The following ZNF592 variants were observed in gnomAD, a reference collection of about 807,000 sequenced individuals.
ZNF592 encodes zinc finger protein 592.
ZNF592 carries 11 observed loss-of-function variants against 80.3 expected under a neutral mutation model. The observed-to-expected ratio is 0.14, with a 90% CI of 0.09 to 0.23. The LOEUF is 0.23. Ranked by LOEUF, ZNF592 falls within the 10% of genes least tolerant of loss-of-function variation. ZNF592 has a pLI of 1.00. For missense variants in ZNF592, 1,420 were observed against 1,633.9 expected (o/e 0.87, Z 2.26); for synonymous variants, 646 against 640.3 (o/e 1.01, Z -0.13).
At chr15:84,768,135 A>G (rs1055296339) in intron 2 of ZNF592, among the ~76,000 whole-genome samples, 7 of 147,448 alleles carry the variant, frequency 4.7e-5, no homozygotes, top group Non-Finnish European at 1.0e-4. Context: ...CAAATGATCT[A>G]CCTGCCTTGG....
In ZNF592 at chr15:84,799,550, C is replaced by T. The variant is rs1225109067; in HGVS notation, c.3138-292C>T. 6.6e-6 allele frequency among the ~76,000 whole-genome samples: 1 copy of T among 152,186 alleles called. No individual in the cohort carries two copies. Among genetic ancestry groups the T allele is most frequent in the Non-Finnish European group, 1.5e-5 (1 of 68,028 alleles). On this transcript the variant is annotated intron_variant, in intron 9 of 10. Transcript: ENST00000560079. This position sits in a 1 kb window ranked among gnomAD's most constrained non-coding sequence, Gnocchi z 4.2. The stretch of plus-strand genomic sequence containing the variant: ...ACCATCTGCCTGTGCCTTGGGGTGG[C>T]CCCAGGCCCTTTCACTGTGACTACT...
At chr15:84,750,022 C>T (rs907600025) in intron 1 of ZNF592, among the ~76,000 whole-genome samples, 1 of 152,234 alleles carries the variant, frequency 6.6e-6, no homozygotes, top group Admixed American at 6.5e-5. Context: ...ATAGTCGTGG[C>T]CGGGCGCGGT....
At chr15:84,759,740 G>C (rs985088811) in intron 1 of ZNF592, among the ~76,000 whole-genome samples, 6 of 152,152 alleles carry the variant, frequency 3.9e-5, no homozygotes, top group Non-Finnish European at 8.8e-5. Context: ...ACACACTTCT[G>C]CATGGGAGGA....
intron 5 of ZNF592, among the ~76,000 whole-genome samples, chr15:84,793,565 AGTGATCTGCG>A: frequency 6.6e-6 from 1 of 152,362 alleles, no homozygotes; most frequent in Admixed American, 6.5e-5. Flanking sequence ...TAAAATTTTC[AGTGATCTGCG>A]GTTGAAGTCA....
intron 1 of ZNF592, among the ~76,000 whole-genome samples, chr15:84,758,058 C>T (rs997022375): frequency 1.3e-5 from 2 of 151,804 alleles, no homozygotes; most frequent in African/African-American, 2.4e-5. Flanking sequence ...CTGCCACCTC[C>T]GCCTCCCAGG....
At chr15:84,776,540 G>A (rs1386569608) in intron 2 of ZNF592, among the ~76,000 whole-genome samples, 4 of 152,214 alleles carry the variant, frequency 2.6e-5, no homozygotes, top group African/African-American at 9.7e-5. Flanking sequence ...TGGATCACAT[G>A]AGGCTAGAAG....
At chr15:84,756,335 G>C (rs1435247806) in intron 1 of ZNF592, among the ~76,000 whole-genome samples, 1 of 152,178 alleles carries the variant, frequency 6.6e-6, no homozygotes, top group Non-Finnish European at 1.5e-5. Flanking sequence ...TATTCCCCTG[G>C]TTTGCTGTAG....
intron 1 of ZNF592, among the ~76,000 whole-genome samples, chr15:84,760,451 A>T (rs1899317239): frequency 6.6e-6 from 1 of 152,180 alleles, no homozygotes; most frequent in African/African-American, 2.4e-5. Flanking sequence ...TATGACTTTT[A>T]TGAATCTGTC....
intron 2 of ZNF592, among the ~76,000 whole-genome samples, chr15:84,774,318 A>G (rs909095442): frequency 6.6e-6 from 1 of 152,244 alleles, no homozygotes; most frequent in Admixed American, 6.5e-5. Flanking sequence ...CTCTTCCTTC[A>G]TGAAACTTAC....
chr15:84,759,746 G>C (rs1368556433), intron 1 of ZNF592, among the ~76,000 whole-genome samples: 1 of 152,198 alleles, frequency 6.6e-6, no homozygotes. Flanking sequence ...TTCTGCATGG[G>C]AGGAGAGAAG....
chr15:84,748,933 G>T (rs1223530533), intron 1 of ZNF592, among the ~76,000 whole-genome samples: 1 of 151,234 alleles, frequency 6.6e-6, no homozygotes, highest in Admixed American at 6.6e-5. Flanking sequence ...CCGCTCCTTG[G>T]CAGGCCGGGC....
chr15:84,769,528 T>C (rs1308478815), intron 2 of ZNF592, among the ~76,000 whole-genome samples: 1 of 145,658 alleles, frequency 6.9e-6, no homozygotes, highest in East Asian at 2.0e-4. Context: ...GCAGAGGGAG[T>C]GGTGACTGCA....
Position 84,798,782 on chromosome 15 carries a change from G to T in ZNF592, c.2931G>T (p.Arg977=). 2.5e-6 allele frequency: 4 copies of T among 1,603,910 alleles called. No individual in the cohort carries two copies. The highest frequency in any genetic ancestry group is 3.4e-6 in the Non-Finnish European group (4 of 1,179,676). ...ACCGCAGGGTGGAAGCCAGGCCGCG[G>T]CTGAGGAACACTGGCTGGACCTGCC... ...EAHRRVEARP[R]LRNTGWTCQE... The change falls in exon 8 of 11, where the codon CGG becomes CGT. Residue 977 remains arginine (R), a synonymous_variant. Transcript: ENST00000560079. This position sits in a 1 kb window ranked among gnomAD's most constrained non-coding sequence, Gnocchi z 4.5.
intron 3 of ZNF592, among the ~76,000 whole-genome samples, chr15:84,781,041 A>T (rs1567067969): frequency 6.6e-6 from 1 of 151,422 alleles, no homozygotes; most frequent in African/African-American, 2.4e-5. Context: ...AATTTTTATT[A>T]TTTATTTATT....
intron 2 of ZNF592, among the ~76,000 whole-genome samples, chr15:84,777,891 G>A (rs549651288): frequency 2.6e-5 from 4 of 151,932 alleles, no homozygotes; most frequent in South Asian, 4.2e-4. Flanking sequence ...TAGTAGAGAC[G>A]GGGTTTCACC....
rs112611040 is a variant in ZNF592 at position 84,802,672 on chromosome 15, C to A, written c.*279C>A. 1.6e-5 allele frequency: 8 copies of A among 506,806 alleles called. No homozygotes were observed. Among genetic ancestry groups the A allele is most frequent in the Admixed American group, 1.3e-4 (4 of 30,934 alleles). The allele number at this position is 506,806 out of a possible 1,614,324, so 31.4% of individuals were successfully genotyped here. On this transcript the variant is annotated 3_prime_UTR_variant, in exon 11 of 11. Coordinates refer to ENST00000560079, the MANE Select transcript of ZNF592 (RefSeq NM_014630.3). ...TTGTCTGTGTCCTTCCAACCCCAAGCTGCTTATGTGGCCCAACCCCACTGC... is the reference window on the plus strand; with the variant it reads ...TTGTCTGTGTCCTTCCAACCCCAAGATGCTTATGTGGCCCAACCCCACTGC...
intron 5 of ZNF592, among the ~76,000 whole-genome samples, chr15:84,796,915 T>G (rs977304581): frequency 6.6e-6 from 1 of 152,126 alleles, no homozygotes; most frequent in African/African-American, 2.4e-5. Context: ...TTTTTATTTT[T>G]ATTTTTTTGT....
At chr15:84,779,431 G>A (rs1962356870) in intron 3 of ZNF592, among the ~76,000 whole-genome samples, 1 of 152,018 alleles carries the variant, frequency 6.6e-6, no homozygotes, top group African/African-American at 2.4e-5. Context: ...TTTCTTACTG[G>A]GGCTAAATAG....
At position 84,804,956 on chromosome 15, in the gene ZNF592, G is replaced by A. The variant is rs540371717; in HGVS notation, c.*2563G>A. The A allele has an allele frequency of 1.4e-4, 21 of 152,308 alleles. No individual in the cohort carries two copies. The highest frequency in any genetic ancestry group is 2.4e-4 in the Non-Finnish European group (16 of 68,016). 9.4% of individuals were successfully genotyped at this position (152,308 alleles called of 1,614,324 possible). A position where few individuals can be genotyped will look rare whatever the true frequency, so the allele number is the denominator to read the frequency against. ...GTTAAACGATGTGCAGAGGCTACCT[G>A]TAGTGATGGTGCTGAGTCAAGCCTG... On this transcript the variant is annotated 3_prime_UTR_variant, in exon 11 of 11. Transcript: ENST00000560079.
Sources: gnomAD v4.1 joint callset for allele counts (sites outside exome capture counted in the v4.1 genomes callset) on GRCh38, gnomAD v4.1.1 for gene constraint, Gnocchi (gnomAD v3.1) non-coding constraint, MANE v1.5 for transcripts, NCBI Gene and HGNC (gene_info 2026-07-23, HGNC 2026-07-21) for gene names.